Variants in DOCK1 observed in about 807,000 individuals in gnomAD.
DOCK1 encodes dedicator of cytokinesis protein 1.
A neutral mutation model predicts 262.7 loss-of-function variants in DOCK1; 138 were observed. The ratio of observed to expected loss-of-function variants is 0.53; its 90% CI spans 0.46 to 0.61. The LOEUF (loss-of-function observed/expected upper bound fraction) is 0.61. Ranked by LOEUF, DOCK1 falls within the 20% of genes least tolerant of loss-of-function variation. The probability of loss-of-function intolerance (pLI) is 0.00; values close to 1 mark genes in which losing one functional copy is unlikely to be tolerated. For missense variants in DOCK1, 1,908 were observed against 2,370.7 expected, an observed-to-expected ratio of 0.80 and a Z score of 4.05; for synonymous variants, 866 against 867.4, an observed-to-expected ratio of 1.00 and a Z score of 0.03.
At chr10:127,026,133 G>T in intron 15 of DOCK1, 1 of 516,892 alleles carries the variant, frequency 1.9e-6, no homozygotes, top group Non-Finnish European at 3.4e-6. Flanking sequence ...ATTCAGCTGT[G>T]TCACGGAGTC....
chr10:126,916,268 G>A (rs1189374708), intron 1 of DOCK1, among the ~76,000 whole-genome samples: 5 of 152,204 alleles, frequency 3.3e-5, no homozygotes, highest in Non-Finnish European at 7.3e-5. Context: ...GTACTACTTA[G>A]TGTTGGGTTA....
At chr10:127,125,974 T>C (rs1342035123) in intron 26 of DOCK1, among the ~76,000 whole-genome samples, 1 of 152,162 alleles carries the variant, frequency 6.6e-6, no homozygotes, top group South Asian at 2.1e-4. Context: ...AATAAATAAA[T>C]AAATAAAGCC....
chr10:126,958,024 A>G lies in DOCK1; in HGVS notation c.47-12678A>G, dbSNP rs972882581. Among the ~76,000 whole-genome samples, 5 of 152,354 alleles carry G rather than the reference A, an allele frequency of 3.3e-5. No homozygotes were observed. In the East Asian group the frequency reaches 9.6e-4, roughly 29 times the overall value. On this transcript the variant is annotated intron_variant, in intron 1 of 51. Coordinates refer to ENST00000623213, the MANE Select transcript of DOCK1 (RefSeq NM_001290223.2). Reference sequence around the variant, plus strand: ...AAGCATTGACCGTTATTTATGACTTATCTATGGTAATAAAAATTAGAAAAT... The same window carrying G: ...AAGCATTGACCGTTATTTATGACTTGTCTATGGTAATAAAAATTAGAAAAT...
intron 14 of DOCK1, 52 bp downstream of exon 14, chr10:127,023,376 G>A: frequency 6.2e-7 from 1 of 1,606,630 alleles, no homozygotes; most frequent in South Asian, 1.1e-5. Flanking sequence ...TACTTGCCAA[G>A]TGCTCACCTT....
intron 27 of DOCK1, among the ~76,000 whole-genome samples, chr10:127,155,404 T>C (rs996312571): frequency 5.3e-5 from 8 of 152,164 alleles, no homozygotes; most frequent in East Asian, 1.9e-4. Context: ...CCAGGCACTT[T>C]CTGTGATTCA....
chr10:127,236,576 G>T (rs924875190), intron 27 of DOCK1, among the ~76,000 whole-genome samples: 4 of 103,252 alleles, frequency 3.9e-5, no homozygotes, highest in Non-Finnish European at 7.4e-5. Context: ...TTGTCTGTCT[G>T]TCCTTTCCAG....
chr10:127,406,074 T>TAC (rs1415076159), intron 40 of DOCK1, among the ~76,000 whole-genome samples: 1 of 152,146 alleles, frequency 6.6e-6, no homozygotes, highest in Admixed American at 6.5e-5. Flanking sequence ...CTCCGGAACA[T>TAC]ACATCTTTAG....
chr10:127,151,967 C>G (rs767402466), intron 27 of DOCK1, among the ~76,000 whole-genome samples: 3 of 151,928 alleles, frequency 2.0e-5, no homozygotes, highest in African/African-American at 7.3e-5. Flanking sequence ...GGATTTAGAG[C>G]TAAGTTCATT....
intron 12 of DOCK1, among the ~76,000 whole-genome samples, chr10:127,014,568 T>G (rs975816098): frequency 1.3e-5 from 2 of 152,230 alleles, no homozygotes; most frequent in African/African-American, 2.4e-5. Context: ...CTTTGACCTC[T>G]GTAGATAATG....
chr10:126,916,441 G>A (rs878954584), intron 1 of DOCK1, among the ~76,000 whole-genome samples: 3 of 152,180 alleles, frequency 2.0e-5, no homozygotes, highest in Admixed American at 2.0e-4. Flanking sequence ...AAGTTTTCTA[G>A]TAATTGATTA....
intron 21 of DOCK1, among the ~76,000 whole-genome samples, chr10:127,050,241 T>A (rs2044628459): frequency 6.6e-6 from 1 of 151,344 alleles, no homozygotes; most frequent in African/African-American, 2.4e-5. Context: ...ATAATAGATA[T>A]TTCCAATATA....
At chr10:127,332,985 A>G (rs1245875980) in intron 29 of DOCK1, among the ~76,000 whole-genome samples, 1 of 152,260 alleles carries the variant, frequency 6.6e-6, no homozygotes, top group East Asian at 1.9e-4. Context: ...TTTGAAGGCA[A>G]ATTCCCAGCT....
At chr10:127,419,798 G>A (rs918213837) in intron 46 of DOCK1, 49 bp downstream of exon 46, 23 of 1,537,968 alleles carry the variant, frequency 1.5e-5, no homozygotes, top group South Asian at 9.5e-5. Context: ...AGGAAAGCTA[G>A]GAGGGTCTAG....
At chr10:127,395,427 G>A (rs1447122273) in intron 38 of DOCK1, among the ~76,000 whole-genome samples, 4 of 152,082 alleles carry the variant, frequency 2.6e-5, no homozygotes, top group Admixed American at 6.5e-5. Context: ...AATCACCTTC[G>A]AAGGCCTCAT....
intron 51 of DOCK1, among the ~76,000 whole-genome samples, chr10:127,448,663 C>T (rs1236253820): frequency 6.6e-6 from 1 of 152,172 alleles, no homozygotes; most frequent in Non-Finnish European, 1.5e-5. Flanking sequence ...AAATATCCCT[C>T]TTCATATGTG....
chr10:127,362,358 A>T (rs1378603772), intron 33 of DOCK1, 146 bp downstream of exon 33: 8 of 1,003,388 alleles, frequency 8.0e-6, no homozygotes, highest in Admixed American at 3.7e-5. Flanking sequence ...GAAAAAGCCT[A>T]TGATTTTCCT....
intron 23 of DOCK1, among the ~76,000 whole-genome samples, chr10:127,076,882 T>C (rs2046593599): frequency 6.6e-6 from 1 of 152,182 alleles, no homozygotes; most frequent in Non-Finnish European, 1.5e-5. Flanking sequence ...GCAGGAATTC[T>C]TAAGCACCTC....
chr10:126,949,178 C>T (rs931599784), intron 1 of DOCK1, among the ~76,000 whole-genome samples: 2,533 of 152,124 alleles, frequency 0.017, 79 homozygotes, highest in African/African-American at 0.058. Flanking sequence ...TCCATTGATT[C>T]CCGAAGGTGT....
At chr10:127,326,175 T>C (rs939938974) in intron 29 of DOCK1, among the ~76,000 whole-genome samples, 3 of 152,198 alleles carry the variant, frequency 2.0e-5, no homozygotes, top group African/African-American at 7.2e-5. Flanking sequence ...GAGGTGGCTA[T>C]GACAGTTTTT....
Sources: allele counts gnomAD v4.1 joint callset (sites outside exome capture counted in the v4.1 genomes callset), GRCh38; gene constraint gnomAD v4.1.1; transcripts MANE v1.5; gene names NCBI Gene and HGNC (gene_info 2026-07-23, HGNC 2026-07-21).